The following TBC1D22A variants were observed in gnomAD, a reference collection of about 807,000 sequenced individuals.
The protein encoded by TBC1D22A is putative GTPase activator.
Under a neutral mutation model 60.2 loss-of-function variants are expected in TBC1D22A, and 38 were observed. The ratio of observed to expected loss-of-function variants is 0.63; its 90% CI spans 0.49 to 0.83. TBC1D22A has a LOEUF of 0.83. Among genes scored for constraint, TBC1D22A ranks in the 40% least tolerant of loss-of-function variants. The pLI, the probability that TBC1D22A is intolerant of heterozygous loss-of-function variation, is 0.00. For missense variants in TBC1D22A, 628 were observed against 701.0 expected, an observed-to-expected ratio of 0.90 and a Z score of 1.18; for synonymous variants, 302 against 281.7, an observed-to-expected ratio of 1.07 and a Z score of -0.72.
intron 12 of TBC1D22A, among the ~76,000 whole-genome samples, chr22:47,160,110 C>T (rs982627798): frequency 2.0e-5 from 3 of 152,350 alleles, no homozygotes; most frequent in East Asian, 3.9e-4. Flanking sequence ...GAGGCCGGGC[C>T]GCCCAACCCC....
chr22:47,132,292 G>A (rs945088085), intron 12 of TBC1D22A, among the ~76,000 whole-genome samples: 18 of 152,146 alleles, frequency 1.2e-4, no homozygotes, highest in Admixed American at 5.9e-4. Flanking sequence ...GTGCCACCCC[G>A]TTCTTCTGGG....
chr22:47,158,056 C>T lies in TBC1D22A; in HGVS notation c.1426-15442C>T, dbSNP rs1157476573. 4.6e-5 allele frequency among the ~76,000 whole-genome samples: 7 copies of T among 152,352 alleles called. No homozygotes were observed. In the East Asian group the frequency reaches 1.2e-3, roughly 25 times the overall value. On this transcript the variant is annotated intron_variant, in intron 12 of 12. Transcript: ENST00000337137. ...CTACGGCCATCCTTGCACCCCCACC[C>T]CTGCATCTGTGAGGGCGCGTCTCAC...
intron 8 of TBC1D22A, among the ~76,000 whole-genome samples, chr22:46,933,632 G>A (rs1460925703): frequency 1.3e-5 from 2 of 152,180 alleles, no homozygotes; most frequent in Non-Finnish European, 2.9e-5. Context: ...CACTGGGGGG[G>A]GGTTGGCCCC....
intron 4 of TBC1D22A, among the ~76,000 whole-genome samples, chr22:46,859,193 C>T (rs62232678): frequency 3.8e-3 from 51 of 13,416 alleles, no homozygotes; most frequent in Admixed American, 9.4e-3. Context: ...CGCGCAGTGC[C>T]GTGCCCCTTC....
intron 12 of TBC1D22A, among the ~76,000 whole-genome samples, chr22:47,141,515 C>G (rs1338936194): frequency 6.6e-6 from 1 of 152,246 alleles, no homozygotes; most frequent in Non-Finnish European, 1.5e-5. Flanking sequence ...TGGAGCCACA[C>G]AGCTGGTATG....
At chr22:46,988,079 GA>G (rs136128) in intron 9 of TBC1D22A, among the ~76,000 whole-genome samples, 43,704 of 145,462 alleles carry the variant, frequency 0.3, 6,400 homozygotes, top group Admixed American at 0.31. Flanking sequence ...GAAAAGAAAA[GA>G]AAAAAAAAAA....
At chr22:47,097,699 T>G (rs1202066654) in intron 11 of TBC1D22A, among the ~76,000 whole-genome samples, 1 of 152,236 alleles carries the variant, frequency 6.6e-6, no homozygotes, top group Non-Finnish European at 1.5e-5. Context: ...TTGAATCTTT[T>G]TGTGTGTGAA....
intron 10 of TBC1D22A, among the ~76,000 whole-genome samples, chr22:47,011,845 C>T (rs559685863): frequency 6.6e-6 from 1 of 152,190 alleles, no homozygotes; most frequent in South Asian, 2.1e-4. Context: ...TGTAATTTTA[C>T]CAGTGCAGCC....
At chr22:46,929,585 T>C (rs2071237139) in intron 8 of TBC1D22A, among the ~76,000 whole-genome samples, 1 of 152,182 alleles carries the variant, frequency 6.6e-6, no homozygotes, top group African/African-American at 2.4e-5. Flanking sequence ...GCTAAGTGAC[T>C]CAGTGAATTG....
At chr22:47,034,322 C>T (rs2062584579) in intron 10 of TBC1D22A, among the ~76,000 whole-genome samples, 1 of 152,150 alleles carries the variant, frequency 6.6e-6, no homozygotes, top group Non-Finnish European at 1.5e-5. Context: ...GGTGCCGCGT[C>T]CTTGTGTGAC....
intron 12 of TBC1D22A, among the ~76,000 whole-genome samples, chr22:47,161,325 C>T (rs529171627): frequency 4.7e-4 from 59 of 124,882 alleles, no homozygotes; most frequent in Admixed American, 4.7e-3. Context: ...ACCCTGCTGC[C>T]GTGAGTCTCT....
At chr22:46,795,118 G>A (rs926406308) in intron 3 of TBC1D22A, among the ~76,000 whole-genome samples, 1 of 152,234 alleles carries the variant, frequency 6.6e-6, no homozygotes, top group African/African-American at 2.4e-5. Context: ...TAAAGTCTTT[G>A]AACTCGTAAC....
chr22:46,907,610 A>G (rs1056460366), intron 7 of TBC1D22A, among the ~76,000 whole-genome samples: 2 of 152,026 alleles, frequency 1.3e-5, no homozygotes, highest in Non-Finnish European at 2.9e-5. Flanking sequence ...CGCCTCCACC[A>G]TCCTCGCCTC....
chr22:47,170,300 G>C (rs2068382429), intron 12 of TBC1D22A, among the ~76,000 whole-genome samples: 1 of 152,118 alleles, frequency 6.6e-6, no homozygotes, highest in Non-Finnish European at 1.5e-5. Flanking sequence ...CGTAATGGGA[G>C]GGTACTGCTT....
chr22:46,961,371 A>C (rs1265511332), intron 8 of TBC1D22A, among the ~76,000 whole-genome samples: 2 of 152,214 alleles, frequency 1.3e-5, no homozygotes, highest in Non-Finnish European at 2.9e-5. Flanking sequence ...GTTCTGCCGC[A>C]GCCAGCTCAA....
chr22:47,024,183 CT>C, intron 10 of TBC1D22A, among the ~76,000 whole-genome samples: 1 of 152,140 alleles, frequency 6.6e-6, no homozygotes, highest in Non-Finnish European at 1.5e-5. Context: ...TACCATCACC[CT>C]TACAGTCACC....
chr22:47,064,322 G>T (rs910338774), intron 11 of TBC1D22A, among the ~76,000 whole-genome samples: 4 of 152,262 alleles, frequency 2.6e-5, no homozygotes, highest in Admixed American at 1.3e-4. Flanking sequence ...AGCCAGGCAG[G>T]TTTGTCCACA....
At chr22:46,807,431 C>T (rs1346712686) in intron 4 of TBC1D22A, among the ~76,000 whole-genome samples, 1 of 152,114 alleles carries the variant, frequency 6.6e-6, no homozygotes, top group African/African-American at 2.4e-5. Context: ...TGCTGCTTTG[C>T]TTGGAGCTGT....
intron 10 of TBC1D22A, among the ~76,000 whole-genome samples, chr22:47,014,007 G>C (rs1019710061): frequency 2.1e-4 from 32 of 152,214 alleles, no homozygotes; most frequent in African/African-American, 6.3e-4. Context: ...TGATCTGGGG[G>C]TGGGCGCTGG....
Sources: gnomAD v4.1 joint callset for allele counts (sites outside exome capture counted in the v4.1 genomes callset) on GRCh38, gnomAD v4.1.1 for gene constraint, MANE v1.5 for transcripts, NCBI Gene and HGNC (gene_info 2026-07-23, HGNC 2026-07-21) for gene names.